Variants in GOLGA8Q observed in about 807,000 individuals in gnomAD.
GOLGA8Q encodes golgin subfamily A member 8Q.
A neutral mutation model predicts 48.7 loss-of-function variants in GOLGA8Q; 3 were observed. The ratio of observed to expected loss-of-function variants is 0.06; its 90% CI spans 0.03 to 0.16. GOLGA8Q has a LOEUF of 0.16. Among genes scored for constraint, GOLGA8Q ranks in the 10% least tolerant of loss-of-function variants. The pLI is 1.00. For missense variants in GOLGA8Q, 49 were observed against 364.3 expected (o/e 0.13, Z 7.05); for synonymous variants, 22 against 138.2 (o/e 0.16, Z 5.90).
intron 5 of GOLGA8Q, 107 bp downstream of exon 5, chr15:30,556,119 C>A: frequency 8.2e-7 from 1 of 1,226,762 alleles, no homozygotes; most frequent in East Asian, 2.4e-5. Flanking sequence ...GAAGAAGGCT[C>A]ACCCCTCAGA....
At chr15:30,554,312 A>G (rs1196758537) in intron 2 of GOLGA8Q, among the ~76,000 whole-genome samples, 1 of 124,084 alleles carries the variant, frequency 8.1e-6, no homozygotes, top group Non-Finnish European at 1.7e-5. Context: ...AAAAAAAAAA[A>G]AAAGGAATTC....
At chr15:30,555,810 C>A (rs1318989856) in intron 4 of GOLGA8Q, among the ~76,000 whole-genome samples, 164 bp from the exon 5 acceptor site, 3 of 83,580 alleles carry the variant, frequency 3.6e-5, no homozygotes, top group Admixed American at 3.1e-4. Context: ...AGACCCAAAT[C>A]CTCTGTCCTT....
chr15:30,556,034 G>T (rs1208666544), intron 5 of GOLGA8Q, 22 bp downstream of exon 5: 2 of 1,081,122 alleles, frequency 1.8e-6, no homozygotes, highest in East Asian at 2.3e-5. Flanking sequence ...TCGTTTCCTC[G>T]CAACATGACT....
At chr15:30,554,333 T>A (rs1430584026) in intron 2 of GOLGA8Q, among the ~76,000 whole-genome samples, 1 of 118,266 alleles carries the variant, frequency 8.5e-6, no homozygotes, top group Non-Finnish European at 1.7e-5. Flanking sequence ...TGGGTTTGAA[T>A]CCTGCCTCTC....
Position 30,558,866 on chromosome 15 carries a change from C to CG in GOLGA8Q, c.1033dup (p.Glu345GlyfsTer36). 1 of 245,732 alleles carries CG rather than the reference C, an allele frequency of 4.1e-6. No individual in the cohort carries two copies. Among genetic ancestry groups the CG allele is most frequent in the East Asian group, 4.3e-5 (1 of 23,352 alleles). 15.2% of individuals were successfully genotyped at this position (245,732 alleles called of 1,614,324 possible). ...GAACCGGCGACAAGAAGAGAGGATT[C>CG]GGGAACAGGAAGAGAGGCTTCGGAA... On this transcript the variant is annotated frameshift_variant, in exon 12 of 19. Transcript: ENST00000562783. LOFTEE classifies it high-confidence loss of function.
At position 30,555,045 on chromosome 15, in the gene GOLGA8Q, C is replaced by A; in HGVS notation, c.232C>A (p.Pro78Thr). 1 of 518,298 alleles carries A rather than the reference C, an allele frequency of 1.9e-6. No homozygotes were observed. The highest frequency in any genetic ancestry group is 2.9e-5 in the East Asian group (1 of 34,736). 32.1% of individuals were successfully genotyped at this position (518,298 alleles called of 1,614,324 possible). ...CTCCTCTCTGCATGCACCTCAGAGCCCGTGCCAAGAACGAGCAGTAGTCCT... is the reference window on the plus strand; with the variant it reads ...CTCCTCTCTGCATGCACCTCAGAGCACGTGCCAAGAACGAGCAGTAGTCCT... ...SSATLKDLES[P>T]CQERAVVLDS... Residue 78 changes from proline (P) to threonine (T), a missense_variant, in exon 4 of 19, where the codon CCG (proline) becomes ACG (threonine). Coordinates refer to ENST00000562783, the MANE Select transcript of GOLGA8Q (RefSeq NM_001355476.2).
In GOLGA8Q at chr15:30,562,204, G is replaced by GC; in HGVS notation, c.1693dup (p.Gln565ProfsTer11). ...TGATGAGCCCGGTCCAGGAGCCCCA[G>GC]CCCCCCAGGAGCTTGGGGCTGCAGA... On this transcript the variant is annotated frameshift_variant, in exon 18 of 19. Transcript: ENST00000562783. LOFTEE classifies it high-confidence loss of function. 2 of 1,091,072 alleles carry GC rather than the reference G, an allele frequency of 1.8e-6. No individual in the cohort carries two copies. Among genetic ancestry groups the GC allele is most frequent in the Non-Finnish European group, 1.2e-6 (1 of 809,470 alleles). The allele number at this position is 1,091,072 out of a possible 1,614,324, so 67.6% of individuals were successfully genotyped here. A position where few individuals can be genotyped will look rare whatever the true frequency, so the allele number is the denominator to read the frequency against.
rs1270637171 is a variant in GOLGA8Q at position 30,560,725 on chromosome 15, G to C, written c.1276+114G>C. 6.3e-6 allele frequency: 4 copies of C among 629,978 alleles called. 1 individual carries two copies. Among genetic ancestry groups the C allele is most frequent in the East Asian group, 5.5e-5 (2 of 36,388 alleles). 39.0% of individuals were successfully genotyped at this position (629,978 alleles called of 1,614,324 possible). The stretch of plus-strand genomic sequence containing the variant: ...CTTTAGAGCAGCTGGTCATTATGCC[G>C]ACCGGGTGCCTGCACTAAGTTCGGC... On this transcript the variant is annotated intron_variant, in intron 14 of 18. Transcript: ENST00000562783.
intron 4 of GOLGA8Q, among the ~76,000 whole-genome samples, chr15:30,555,667 C>T: frequency 1.0e-5 from 1 of 99,952 alleles, no homozygotes; most frequent in Non-Finnish European, 2.2e-5. Context: ...TTGAATGAAC[C>T]CACTTTTCTA....
chr15:30,555,723 T>C, intron 4 of GOLGA8Q, among the ~76,000 whole-genome samples: 1 of 86,264 alleles, frequency 1.2e-5, no homozygotes, highest in South Asian at 3.4e-4. Context: ...ACTCCATCTC[T>C]AGAGGTTTAT....
At chr15:30,555,733 T>C (rs2059637593) in intron 4 of GOLGA8Q, among the ~76,000 whole-genome samples, 1 of 87,164 alleles carries the variant, frequency 1.1e-5, no homozygotes, top group African/African-American at 6.0e-5. Context: ...TAGAGGTTTA[T>C]GTTGCTGTCC....
intron 13 of GOLGA8Q, among the ~76,000 whole-genome samples, chr15:30,559,727 G>T (rs531197921): frequency 6.6e-6 from 1 of 150,984 alleles, no homozygotes; most frequent in Non-Finnish European, 1.5e-5. Context: ...GCATTGTGGC[G>T]CATGCCTGTA....
chr15:30,555,085 T>C lies in GOLGA8Q; in HGVS notation c.272T>C (p.Val91Ala), dbSNP rs1483200608. 2.2e-6 allele frequency: 1 copy of C among 446,990 alleles called. No individual in the cohort carries two copies. The allele number at this position is 446,990 out of a possible 1,614,324, so 27.7% of individuals were successfully genotyped here. A position where few individuals can be genotyped will look rare whatever the true frequency, so the allele number is the denominator to read the frequency against. Residue 91 changes from valine (V) to alanine (A), a missense_variant, in exon 4 of 19, where the codon GTA (valine) becomes GCA (alanine). Transcript: ENST00000562783. ...ERAVVLDSTS[V>A]KISRLKNTIK... ...GCAGTAGTCCTGGATTCAACGTCCGTAAAAATCAGTCGACTGAAGAACACC... is the reference window on the plus strand; with the variant it reads ...GCAGTAGTCCTGGATTCAACGTCCGCAAAAATCAGTCGACTGAAGAACACC...
In GOLGA8Q at chr15:30,560,455, G is replaced by A. The variant is rs1454063811; in HGVS notation, c.1201-81G>A. The A allele has an allele frequency of 1.8e-3, 1,790 of 990,984 alleles. 609 individuals carry two copies. The highest frequency in any genetic ancestry group is 1.7e-3 in the Non-Finnish European group (1,210 of 726,156). 61.4% of individuals were successfully genotyped at this position (990,984 alleles called of 1,614,324 possible). Reference sequence around the variant, plus strand: ...TGCCAAAAGTTGCAGGAGACCCAGGGGAGGGAGCTGCCGAGGATGGGGCTG... The same window carrying A: ...TGCCAAAAGTTGCAGGAGACCCAGGAGAGGGAGCTGCCGAGGATGGGGCTG... On this transcript the variant is annotated intron_variant, in intron 13 of 18. Transcript: ENST00000562783.
intron 12 of GOLGA8Q, 76 bp downstream of exon 12, chr15:30,559,043 GC>G: frequency 4.6e-6 from 1 of 215,424 alleles, no homozygotes; most frequent in Admixed American, 6.8e-5. Flanking sequence ...CTAAAATGGG[GC>G]AGTGTAGCCC....
chr15:30,557,497 TAATAATGAC>T, intron 8 of GOLGA8Q, among the ~76,000 whole-genome samples: 1 of 126,044 alleles, frequency 7.9e-6, no homozygotes, highest in Non-Finnish European at 1.7e-5. Context: ...CAAACAGTGG[TAATAATGAC>T]AATAATAACA....
At chr15:30,554,292 A>T (rs1312106885) in intron 2 of GOLGA8Q, among the ~76,000 whole-genome samples, 2 of 125,002 alleles carry the variant, frequency 1.6e-5, no homozygotes, top group African/African-American at 6.9e-5. Context: ...AAAGAGCAAG[A>T]CTCTGTCTCA....
rs551168797 is a variant in GOLGA8Q at position 30,558,016 on chromosome 15, C to T, written c.751C>T (p.Arg251Trp). ...TGAACATATAGAAGGAGAGAGGGCC[C>T]GGTGGCATCAGAGGATGAGTAAAAT... ...CAEHIEGERARWHQRMSKMLQ... is the reference protein window; with the variant it reads ...CAEHIEGERAWWHQRMSKMLQ... The change falls in exon 10 of 19, where the codon CGG (arginine) becomes TGG (tryptophan). Residue 251 changes from arginine to tryptophan, a missense_variant. Transcript: ENST00000562783. 5.2e-5 allele frequency: 60 copies of T among 1,164,722 alleles called. 6 individuals are homozygous for T. In the East Asian group the frequency reaches 9.2e-4, roughly 18 times the overall value. 72.1% of individuals were successfully genotyped at this position (1,164,722 alleles called of 1,614,324 possible).
chr15:30,560,571 G>A lies in GOLGA8Q; in HGVS notation c.1236G>A (p.Gln412=). 1 of 1,131,278 alleles carries A rather than the reference G, an allele frequency of 8.8e-7. No individual in the cohort carries two copies. Among genetic ancestry groups the A allele is most frequent in the South Asian group, 1.4e-5 (1 of 71,444 alleles). 70.1% of individuals were successfully genotyped at this position (1,131,278 alleles called of 1,614,324 possible). ...AAGCGGCCAGCCAGCAGAACCAGCA[G>A]CTAACGGCCCAGCTGAACCTCATGG... ...HLEAASQQNQ[Q]LTAQLNLMAL... The change falls in exon 14 of 19, where the codon CAG becomes CAA. Residue 412 remains glutamine, a synonymous_variant. Transcript: ENST00000562783.
Sources: gnomAD v4.1 joint callset for allele counts (sites outside exome capture counted in the v4.1 genomes callset) on GRCh38, gnomAD v4.1.1 for gene constraint, MANE v1.5 for transcripts, NCBI Gene and HGNC (gene_info 2026-07-23, HGNC 2026-07-21) for gene names.